Variants in KCNIP1 observed in about 807,000 individuals in gnomAD.
KCNIP1 encodes the protein potassium voltage-gated channel interacting protein 1, also known as A-type potassium channel modulatory protein KCNIP1.
Under a neutral mutation model 33.0 loss-of-function variants are expected in KCNIP1, and 18 were observed. The ratio of observed to expected loss-of-function variants is 0.55; its 90% CI spans 0.38 to 0.81. The LOEUF (loss-of-function observed/expected upper bound fraction) is 0.81. Among genes scored for constraint, KCNIP1 ranks in the 30% least tolerant of loss-of-function variants. KCNIP1 has a pLI of 0.00. For synonymous variants in KCNIP1, 93 were observed against 98.3 expected, an observed-to-expected ratio of 0.95 and a Z score of 0.32; for missense variants, 238 against 271.6, an observed-to-expected ratio of 0.88 and a Z score of 0.87.
intron 1 of KCNIP1, among the ~76,000 whole-genome samples, chr5:170,506,047 C>T (rs891252139): frequency 3.9e-4 from 59 of 152,286 alleles, no homozygotes; most frequent in Middle Eastern, 3.4e-3. Flanking sequence ...CAATTTTCAG[C>T]GCCAAATATA....
chr5:170,554,135 T>C (rs1756757377), intron 1 of KCNIP1, among the ~76,000 whole-genome samples: 1 of 106,532 alleles, frequency 9.4e-6, no homozygotes, highest in African/African-American at 4.2e-5. Context: ...CCATGCAAAG[T>C]TTTTTTTTTT....
chr5:170,594,763 T>A (rs1758386007), intron 1 of KCNIP1, among the ~76,000 whole-genome samples: 1 of 152,138 alleles, frequency 6.6e-6, no homozygotes, highest in South Asian at 2.1e-4. Context: ...CACCCCACTC[T>A]GCCTCCCAAA....
chr5:170,474,972 C>T (rs1242597724), intron 1 of KCNIP1, among the ~76,000 whole-genome samples: 1 of 152,226 alleles, frequency 6.6e-6, no homozygotes, highest in Non-Finnish European at 1.5e-5. Context: ...CTGCCCATGT[C>T]CTGCTGATTG....
intron 1 of KCNIP1, among the ~76,000 whole-genome samples, chr5:170,474,213 C>T (rs1208439714): frequency 6.6e-6 from 1 of 152,130 alleles, no homozygotes; most frequent in Non-Finnish European, 1.5e-5. Flanking sequence ...GGCTTTTTAT[C>T]TTTATAACGA....
intron 1 of KCNIP1, among the ~76,000 whole-genome samples, chr5:170,386,627 G>C (rs1374053609): frequency 6.6e-6 from 1 of 152,022 alleles, no homozygotes; most frequent in Non-Finnish European, 1.5e-5. Flanking sequence ...AAGGAGAGGA[G>C]GGCCCCAGAA....
At chr5:170,538,747 A>T (rs182579797) in intron 1 of KCNIP1, among the ~76,000 whole-genome samples, 2 of 151,626 alleles carry the variant, frequency 1.3e-5, no homozygotes, top group African/African-American at 4.8e-5. Context: ...GCAAAGAGGA[A>T]TCCTGTGGTT....
At chr5:170,507,644 T>C (rs1289700509) in intron 1 of KCNIP1, among the ~76,000 whole-genome samples, 1 of 152,192 alleles carries the variant, frequency 6.6e-6, no homozygotes, top group South Asian at 2.1e-4. Flanking sequence ...GCCTGCTCAA[T>C]TAAAATCCTG....
intron 1 of KCNIP1, among the ~76,000 whole-genome samples, chr5:170,463,809 G>C (rs59621871): frequency 0.2 from 30,504 of 152,030 alleles, 3,150 homozygotes; most frequent in Middle Eastern, 0.24. Flanking sequence ...TGTACTGGAA[G>C]TTCTAGCCAG....
intron 1 of KCNIP1, chr5:170,383,433 T>A: frequency 1.6e-5 from 10 of 608,674 alleles, no homozygotes; most frequent in Non-Finnish European, 2.9e-5. Flanking sequence ...TTTACAAGGG[T>A]GGAAACTGAG....
intron 1 of KCNIP1, among the ~76,000 whole-genome samples, chr5:170,714,233 G>A (rs1047217265): frequency 1.2e-4 from 18 of 152,242 alleles, no homozygotes; most frequent in South Asian, 4.1e-4. Context: ...ACACAGCTTC[G>A]TAGGAGCATG....
At chr5:170,420,005 C>T (rs923068688) in intron 1 of KCNIP1, among the ~76,000 whole-genome samples, 15 of 152,212 alleles carry the variant, frequency 9.9e-5, no homozygotes, top group African/African-American at 1.4e-4. Context: ...GACCCTTCCC[C>T]GCCCACTGTT....
rs527398147 is a variant in KCNIP1, at chr5:170,687,285, G to A, written c.62-31473G>A. ...CAACCTCCGCCTCCCGGGTTCAAGCGATTCTCCTGCCTCAGCCTCTTGAGT... is the reference window on the plus strand; with the variant it reads ...CAACCTCCGCCTCCCGGGTTCAAGCAATTCTCCTGCCTCAGCCTCTTGAGT... On this transcript the variant is annotated intron_variant, in intron 1 of 7. Transcript: ENST00000328939. 3.4e-3 allele frequency among the ~76,000 whole-genome samples: 517 copies of A among 151,800 alleles called. 2 individuals carry two copies. Among genetic ancestry groups the A allele is most frequent in the African/African-American group, 0.012 (480 of 41,340 alleles).
chr5:170,569,581 A>G, intron 1 of KCNIP1, among the ~76,000 whole-genome samples: 1 of 152,208 alleles, frequency 6.6e-6, no homozygotes, highest in Non-Finnish European at 1.5e-5. Context: ...TACCAGGTGG[A>G]AAAAGAGGTA....
chr5:170,577,037 G>A (rs1450484528), intron 1 of KCNIP1, among the ~76,000 whole-genome samples: 3 of 152,200 alleles, frequency 2.0e-5, no homozygotes, highest in African/African-American at 7.2e-5. Flanking sequence ...TGGTGGGGTT[G>A]ATTGAAGTGA....
intron 1 of KCNIP1, chr5:170,669,467 G>T (rs1337093491): frequency 2.1e-6 from 2 of 936,126 alleles, no homozygotes; most frequent in Non-Finnish European, 2.5e-6. Flanking sequence ...TAATAGAGTG[G>T]TATTTAATAA....
intron 1 of KCNIP1, among the ~76,000 whole-genome samples, chr5:170,683,678 G>A (rs576483450): frequency 4.6e-5 from 7 of 152,002 alleles, no homozygotes; most frequent in African/African-American, 1.4e-4. Flanking sequence ...GAACCCATCT[G>A]TAGTCTTCCT....
intron 1 of KCNIP1, among the ~76,000 whole-genome samples, chr5:170,428,954 C>G (rs772474830): frequency 6.6e-6 from 1 of 152,000 alleles, no homozygotes; most frequent in Non-Finnish European, 1.5e-5. Context: ...TGGATACCAC[C>G]CTTTCCCATC....
At chr5:170,406,405 A>T (rs571195116) in intron 1 of KCNIP1, among the ~76,000 whole-genome samples, 20 of 152,326 alleles carry the variant, frequency 1.3e-4, no homozygotes, top group African/African-American at 4.8e-4. Flanking sequence ...GGTCGTGTAA[A>T]TGTGGCCAAG....
At chr5:170,677,615 A>G (rs1456675572) in intron 1 of KCNIP1, among the ~76,000 whole-genome samples, 1 of 152,116 alleles carries the variant, frequency 6.6e-6, no homozygotes, top group Non-Finnish European at 1.5e-5. Context: ...TCTGCAGACC[A>G]TGGCCAGTAT....
Sources: allele counts gnomAD v4.1 joint callset (sites outside exome capture counted in the v4.1 genomes callset), GRCh38; gene constraint gnomAD v4.1.1; transcripts MANE v1.5; gene names NCBI Gene and HGNC (gene_info 2026-07-23, HGNC 2026-07-21).